EIF4H: variants seen among roughly 807,000 people sequenced by gnomAD.
The protein encoded by EIF4H is eukaryotic translation initiation factor 4H.
A neutral mutation model predicts 30.6 loss-of-function variants in EIF4H; 8 were observed. That is an observed-to-expected ratio of 0.26 (90% CI 0.15 to 0.47). The LOEUF (loss-of-function observed/expected upper bound fraction) is 0.47, where lower values mean the gene tolerates loss of function less well. Among genes scored for constraint, EIF4H ranks in the 20% least tolerant of loss-of-function variants. The probability of loss-of-function intolerance (pLI) is 0.99; values close to 1 mark genes in which losing one functional copy is unlikely to be tolerated. For missense variants in EIF4H, 188 were observed against 339.5 expected (o/e 0.55, Z 3.51); for synonymous variants, 106 against 122.7 (o/e 0.86, Z 0.90).
In EIF4H at chr7:74,189,729, G is replaced by A. The variant is rs1554709610; in HGVS notation, c.304G>A (p.Asp102Asn). The change falls in exon 3 of 7, where the codon GAT becomes AAT. Residue 102 changes from aspartate (D) to asparagine (N), a missense_variant. By Grantham distance (23) the Asp-to-Asn change is conservative. Around this residue, in one of 4 missense-constraint regions of EIF4H, gnomAD observed 52 missense variants for 143.9 expected, o/e 0.36. Transcript: ENST00000265753. ...VDSLKEALTY[D>N]GALLGDRSLR... is the part of the protein sequence containing the mutation. ...TTCCCTTAAGGAAGCCTTGACATAC[G>A]ATGGTGCAGTAAGTATCCTCGGGTT... 1.2e-6 allele frequency: 2 copies of A among 1,614,224 alleles called. No individual in the cohort carries two copies. Among genetic ancestry groups the A allele is most frequent in the East Asian group, 2.2e-5 (1 of 44,888 alleles).
intron 1 of EIF4H, among the ~76,000 whole-genome samples, chr7:74,184,147 A>G (rs762642765): frequency 6.6e-6 from 1 of 152,152 alleles, no homozygotes; most frequent in African/African-American, 2.4e-5. Context: ...CAACTTTTCA[A>G]AAATGGTTTG....
intron 1 of EIF4H, among the ~76,000 whole-genome samples, chr7:74,177,526 T>G (rs1486747802): frequency 1.3e-5 from 2 of 151,908 alleles, no homozygotes; most frequent in African/African-American, 2.4e-5. Context: ...CCCAGGTCCC[T>G]GGCAACCACC....
intron 4 of EIF4H, 101 bp downstream of exon 4, chr7:74,190,019 G>C (rs1554709682): frequency 7.3e-7 from 1 of 1,365,724 alleles, no homozygotes; most frequent in African/African-American, 1.4e-5. Flanking sequence ...TCTCATAGGT[G>C]TGATAGGTTC....
intron 1 of EIF4H, among the ~76,000 whole-genome samples, chr7:74,174,852 C>T (rs1389843845): frequency 1.3e-5 from 2 of 152,252 alleles, no homozygotes; most frequent in Non-Finnish European, 2.9e-5. Flanking sequence ...TCTTTCGCGG[C>T]CCTCTGTTGC....
chr7:74,174,820 C>A (rs1357595752), intron 1 of EIF4H, among the ~76,000 whole-genome samples: 1 of 152,270 alleles, frequency 6.6e-6, no homozygotes, highest in Non-Finnish European at 1.5e-5. Context: ...GCCACACGGC[C>A]TGCCCCGCTC....
chr7:74,184,281 A>G (rs1164999347), intron 1 of EIF4H, among the ~76,000 whole-genome samples: 1 of 152,190 alleles, frequency 6.6e-6, no homozygotes, highest in Non-Finnish European at 1.5e-5. Context: ...ATCAGGGGTC[A>G]AGTCTGGCCT....
chr7:74,189,561 A>G, intron 2 of EIF4H, 112 bp from the exon 3 acceptor site: 1 of 1,219,322 alleles, frequency 8.2e-7, no homozygotes, highest in Non-Finnish European at 1.2e-6. Context: ...GTCTGCCATC[A>G]TCTAGACAAC....
rs535383845 is a variant in EIF4H, at chr7:74,179,716, G to A, written c.59+5274G>A. Among the ~76,000 whole-genome samples, 3 of 151,704 alleles carry A rather than the reference G, an allele frequency of 2.0e-5. No individual in the cohort carries two copies. The South Asian group carries it at 6.3e-4, about 32-fold the overall frequency. On this transcript the variant is annotated intron_variant, in intron 1 of 6. Coordinates refer to ENST00000265753, the MANE Select transcript of EIF4H (RefSeq NM_022170.2). ...TACATTTGTAAGGTGTTGGTGATTTGGAAAGGACCTGTTCACTGAGCCAGG... is the reference window on the plus strand; with the variant it reads ...TACATTTGTAAGGTGTTGGTGATTTAGAAAGGACCTGTTCACTGAGCCAGG...
chr7:74,192,175 T>C (rs2115990993), intron 5 of EIF4H, among the ~76,000 whole-genome samples: 1 of 152,272 alleles, frequency 6.6e-6, no homozygotes, highest in African/African-American at 2.4e-5. Context: ...TCGAAATCAT[T>C]TAATCTCATA....
chr7:74,194,906 A>G (rs781890480), intron 6 of EIF4H, 28 bp downstream of exon 6: 5 of 1,571,284 alleles, frequency 3.2e-6, no homozygotes, highest in South Asian at 2.3e-5. Context: ...AGTGGAGGGC[A>G]TCTTGTCCTG....
intron 2 of EIF4H, among the ~76,000 whole-genome samples, chr7:74,189,242 A>G (rs1241214855): frequency 6.6e-6 from 1 of 152,184 alleles, no homozygotes; most frequent in Non-Finnish European, 1.5e-5. Context: ...AGCAAATTTT[A>G]TGTCAGTTAC....
chr7:74,182,871 A>G (rs1800994608), intron 1 of EIF4H, among the ~76,000 whole-genome samples: 2 of 152,194 alleles, frequency 1.3e-5, no homozygotes, highest in East Asian at 1.9e-4. Flanking sequence ...CCCATCTGCC[A>G]TCTGGAAGTG....
At chr7:74,188,769 C>T (rs886446162) in intron 2 of EIF4H, among the ~76,000 whole-genome samples, 2 of 152,294 alleles carry the variant, frequency 1.3e-5, no homozygotes, top group East Asian at 1.9e-4. Flanking sequence ...TTCATTTGAG[C>T]AGCTCTAGAA....
chr7:74,188,468 G>A (rs900453356), intron 2 of EIF4H, among the ~76,000 whole-genome samples: 3 of 152,224 alleles, frequency 2.0e-5, no homozygotes, highest in African/African-American at 7.2e-5. Flanking sequence ...AAGCACATCT[G>A]TGACAAGTAT....
At chr7:74,182,944 G>A (rs1800996045) in intron 1 of EIF4H, among the ~76,000 whole-genome samples, 1 of 152,080 alleles carries the variant, frequency 6.6e-6, no homozygotes. Context: ...CTCCACCCTG[G>A]TGAAACTGTT....
At chr7:74,195,023 G>T in intron 6 of EIF4H, 145 bp downstream of exon 6, 3 of 1,506,604 alleles carry the variant, frequency 2.0e-6, no homozygotes, top group Non-Finnish European at 2.7e-6. Context: ...AGTTCACCTT[G>T]GTCATTAGAG....
At chr7:74,194,677 T>G in intron 5 of EIF4H, 64 bp from the exon 6 acceptor site, 1 of 1,479,956 alleles carries the variant, frequency 6.8e-7, no homozygotes, top group Non-Finnish European at 9.0e-7. Flanking sequence ...CCCAGAACAT[T>G]ATTCTATAAG....
chr7:74,185,131 A>AC (rs1801052910), intron 1 of EIF4H, among the ~76,000 whole-genome samples: 1 of 151,730 alleles, frequency 6.6e-6, no homozygotes, highest in Non-Finnish European at 1.5e-5. Flanking sequence ...GCTTGGGACT[A>AC]CAAGTGTGGA....
rs1297031468 is a variant in EIF4H, at chr7:74,192,668, C to CTTTTTTTTT, written c.470-2069_470-2061dup. Among the ~76,000 whole-genome samples, 12 of 93,202 alleles carry CTTTTTTTTT rather than the reference C, an allele frequency of 1.3e-4. 3 individuals carry two copies. Among genetic ancestry groups the CTTTTTTTTT allele is most frequent in the South Asian group, 4.0e-4 (1 of 2,530 alleles). 61.1% of individuals were successfully genotyped at this position (93,202 alleles called of 152,430 possible). A position where few individuals can be genotyped will look rare whatever the true frequency, so the allele number is the denominator to read the frequency against. ...TCATACCTAACATTGCTTTATGTGA[C>CTTTTTTTTT]TTTTTTTTTTTTCTTTTTTTTTTTT... On this transcript the variant is annotated intron_variant, in intron 5 of 6. Transcript: ENST00000265753.
Sources: allele counts gnomAD v4.1 joint callset (sites outside exome capture counted in the v4.1 genomes callset), GRCh38; gene constraint gnomAD v4.1.1; regional missense constraint gnomAD v4.1.1; transcripts MANE v1.5; gene names NCBI Gene and HGNC (gene_info 2026-07-23, HGNC 2026-07-21).